SULF2: variants seen among roughly 807,000 people sequenced by gnomAD.
SULF2 encodes the protein sulfatase 2, also known as extracellular sulfatase Sulf-2.
SULF2 carries 52 observed loss-of-function variants against 107.7 expected under a neutral mutation model. That is an observed-to-expected ratio of 0.48 (90% CI 0.39 to 0.61). SULF2 has a LOEUF of 0.61. SULF2 is among the 20% of genes least tolerant of loss of function. The pLI is 0.00. For missense variants in SULF2, 993 were observed against 1,177.3 expected (o/e 0.84, Z 2.29); for synonymous variants, 460 against 464.3 (o/e 0.99, Z 0.12).
chr20:47,664,196 C>G lies in SULF2; in HGVS notation c.1998-7G>C, dbSNP rs751889010. On this transcript the variant is annotated splice_region_variant and splice_polypyrimidine_tract_variant and intron_variant, in intron 14 of 20. Transcript: ENST00000688720. Reference sequence around the variant, plus strand: ...TTTGTGCTGGGTGTGGTAGCTGTAACAGACCCCCCCAGCCCCAGGCTTCAG... The same window carrying G: ...TTTGTGCTGGGTGTGGTAGCTGTAAGAGACCCCCCCAGCCCCAGGCTTCAG... The G allele has an allele frequency of 1.2e-6, 2 of 1,609,726 alleles. No homozygotes were observed. The highest frequency in any genetic ancestry group is 2.2e-5 in the South Asian group (2 of 90,154).
At chr20:47,749,974 CTTTA>C (rs922794202) in intron 2 of SULF2, among the ~76,000 whole-genome samples, 2 of 152,138 alleles carry the variant, frequency 1.3e-5, no homozygotes, top group African/African-American at 4.8e-5. Context: ...CAGAACTGAG[CTTTA>C]TTTATTGATT....
At chr20:47,753,097 TCAA>T (rs1230047893) in intron 2 of SULF2, among the ~76,000 whole-genome samples, 1 of 24,966 alleles carries the variant, frequency 4.0e-5, no homozygotes, top group Non-Finnish European at 7.2e-5. Context: ...TGAGACTCTC[TCAA>T]AAAAAAAAAA....
intron 3 of SULF2, among the ~76,000 whole-genome samples, chr20:47,727,198 C>T (rs539213525): frequency 3.3e-5 from 5 of 152,148 alleles, no homozygotes; most frequent in Admixed American, 1.3e-4. Context: ...GATGAAGTTA[C>T]GCTGGATCAG....
rs2087796089 is a variant in SULF2 at position 47,680,688 on chromosome 20, G to A, written c.1065-1884C>T. 1.3e-5 allele frequency among the ~76,000 whole-genome samples: 2 copies of A among 152,222 alleles called. No homozygotes were observed. Among genetic ancestry groups the A allele is most frequent in the Admixed American group, 6.5e-5 (1 of 15,284 alleles). On this transcript the variant is annotated intron_variant, in intron 7 of 20. Transcript: ENST00000688720. The surrounding 1 kb of genome is among the most constrained non-coding windows in gnomAD (Gnocchi z 4.2). ...TGTCATGGGGGGCTCGAAGGCCAGC[G>A]TGAGGCGCTACAACTGAATCCAGAG...
At chr20:47,768,991 C>T (rs544442727) in intron 1 of SULF2, among the ~76,000 whole-genome samples, 1 of 151,078 alleles carries the variant, frequency 6.6e-6, no homozygotes, top group Non-Finnish European at 1.5e-5. Context: ...AGTGATTCTC[C>T]TGCCTCAGCC....
intron 2 of SULF2, among the ~76,000 whole-genome samples, chr20:47,750,405 C>T (rs1290617790): frequency 6.6e-6 from 1 of 152,236 alleles, no homozygotes; most frequent in Admixed American, 6.5e-5. Flanking sequence ...TCCATCAGCA[C>T]TTGTATCAGC....
At chr20:47,782,029 C>G (rs547438969) in intron 1 of SULF2, among the ~76,000 whole-genome samples, 1 of 152,308 alleles carries the variant, frequency 6.6e-6, no homozygotes, top group East Asian at 1.9e-4. Context: ...CTTCTTTTCT[C>G]CTTAAGCTGG....
Position 47,665,967 on chromosome 20 carries a change from G to C in SULF2, c.1806-14C>G, listed in dbSNP as rs992398223. The C allele has an allele frequency of 5.6e-6, 9 of 1,612,548 alleles. No homozygotes were observed. In the African/African-American group the frequency reaches 1.1e-4, roughly 19 times the overall value. ...AGGATGTAGCACCTGCTTGAGAGAA[G>C]GGATCACGTGTGGCTCGGAGGTGGT... On this transcript the variant is annotated splice_polypyrimidine_tract_variant and intron_variant, in intron 12 of 20. Coordinates refer to ENST00000688720, the MANE Select transcript of SULF2 (RefSeq NM_001387048.1).
chr20:47,685,978 T>TC (rs2087990150), intron 5 of SULF2: 1 of 152,198 alleles, frequency 6.6e-6, no homozygotes, highest in Non-Finnish European at 1.5e-5. Context: ...TTTGGCCAGT[T>TC]AGTCCCCTCC....
intron 1 of SULF2, among the ~76,000 whole-genome samples, chr20:47,780,553 T>C (rs192191643): frequency 6.6e-6 from 1 of 152,268 alleles, no homozygotes. Flanking sequence ...GCAGTCATTT[T>C]TCTTTTAAAT....
chr20:47,703,068 C>T (rs996431618), intron 3 of SULF2, among the ~76,000 whole-genome samples: 5 of 152,076 alleles, frequency 3.3e-5, no homozygotes, highest in Non-Finnish European at 7.4e-5. Context: ...GGATTACAGG[C>T]GTCTGCCACC....
Position 47,666,766 on chromosome 20 carries a change from TGGC to T in SULF2, c.1577-281_1577-279del, listed in dbSNP as rs1475889153. Reference sequence around the variant, plus strand: ...CGAGAGCTGCTTGCGGGTAAACAAATGGCGGTACATCATCTGTACAACGGAATA... The same window carrying T: ...CGAGAGCTGCTTGCGGGTAAACAAATGGTACATCATCTGTACAACGGAATA... On this transcript the variant is annotated intron_variant, in intron 11 of 20. Coordinates refer to ENST00000688720, the MANE Select transcript of SULF2 (RefSeq NM_001387048.1). The surrounding 1 kb of genome is among the most constrained non-coding windows in gnomAD (Gnocchi z 5.4). Among the ~76,000 whole-genome samples the T allele has an allele frequency of 6.6e-6, 1 of 152,150 alleles. No homozygotes were observed. The highest frequency in any genetic ancestry group is 1.5e-5 in the Non-Finnish European group (1 of 68,024).
chr20:47,725,598 C>G (rs545543965), intron 3 of SULF2, among the ~76,000 whole-genome samples: 1 of 152,336 alleles, frequency 6.6e-6, no homozygotes, highest in East Asian at 1.9e-4. Context: ...GTTTGCAAGC[C>G]GGTGGCCTGC....
At chr20:47,764,604 T>C (rs6094818) in intron 1 of SULF2, among the ~76,000 whole-genome samples, 28,940 of 152,080 alleles carry the variant, frequency 0.19, 2,980 homozygotes, top group South Asian at 0.24. Context: ...TGGAGGAGAC[T>C]GTGCTGGGTG....
intron 3 of SULF2, among the ~76,000 whole-genome samples, chr20:47,731,196 T>C (rs1009909537): frequency 5.8e-5 from 6 of 103,750 alleles, no homozygotes; most frequent in African/African-American, 1.8e-4. Flanking sequence ...TCTTTTTTTT[T>C]TTTTTTTTTT....
chr20:47,716,459 T>C (rs2089125388), intron 3 of SULF2, among the ~76,000 whole-genome samples: 1 of 152,036 alleles, frequency 6.6e-6, no homozygotes, highest in Non-Finnish European at 1.5e-5. Flanking sequence ...AAGCTGAGAT[T>C]GCACCACTGC....
In SULF2 at chr20:47,736,749, CTCG is replaced by C; in HGVS notation, c.366_368del (p.His122_Glu123delinsGln). 1.2e-6 allele frequency: 2 copies of C among 1,614,242 alleles called. No homozygotes were observed. The highest frequency in any genetic ancestry group is 1.7e-6 in the Non-Finnish European group (2 of 1,180,044). On this transcript the variant is annotated inframe_deletion, in exon 3 of 21. Coordinates refer to ENST00000688720, the MANE Select transcript of SULF2 (RefSeq NM_001387048.1). Reference sequence around the variant, plus strand: ...TGAGGTACACGGCAAAGGTGCGGCTCTCGTGCTGTGCCTGCCAGGAGGGCGAGG... The same window carrying C: ...TGAGGTACACGGCAAAGGTGCGGCTCTGCTGTGCCTGCCAGGAGGGCGAGG...
chr20:47,751,818 C>T (rs2090163473), intron 2 of SULF2, among the ~76,000 whole-genome samples: 1 of 152,242 alleles, frequency 6.6e-6, no homozygotes, highest in Non-Finnish European at 1.5e-5. Context: ...GTTTTTAACA[C>T]CCAGTGGAAG....
chr20:47,775,339 T>C (rs1400095370), intron 1 of SULF2, among the ~76,000 whole-genome samples: 1 of 152,204 alleles, frequency 6.6e-6, no homozygotes, highest in African/African-American at 2.4e-5. Context: ...GGAGAATAAC[T>C]GAGCTCCCAT....
Sources: gnomAD v4.1 joint callset for allele counts (sites outside exome capture counted in the v4.1 genomes callset) on GRCh38, gnomAD v4.1.1 for gene constraint, Gnocchi (gnomAD v3.1) non-coding constraint, MANE v1.5 for transcripts, NCBI Gene and HGNC (gene_info 2026-07-23, HGNC 2026-07-21) for gene names.